Variants in NINL observed in about 807,000 individuals in gnomAD.
NINL encodes the protein ninein-like protein.
In NINL, 153 loss-of-function variants were observed where a neutral mutation model predicts 160.3. The ratio of observed to expected loss-of-function variants is 0.95; its 90% CI spans 0.84 to 1.09. NINL has a LOEUF of 1.09. NINL is among the 50% of genes least tolerant of loss of function. The pLI is 0.00. For missense variants in NINL, 1,829 were observed against 1,764.0 expected, an observed-to-expected ratio of 1.04 and a Z score of -0.66; for synonymous variants, 800 against 734.8, an observed-to-expected ratio of 1.09 and a Z score of -1.43.
chr20:25,580,531 G>A (rs1299807501), intron 1 of NINL, among the ~76,000 whole-genome samples: 2 of 152,224 alleles, frequency 1.3e-5, no homozygotes, highest in Admixed American at 6.5e-5. Flanking sequence ...GGGTCACCTC[G>A]CTTGGAGGAT....
rs868206375 is a variant in NINL at position 25,512,778 on chromosome 20, A to G, written c.450+56T>C. 1.1e-5 allele frequency: 17 copies of G among 1,529,788 alleles called. 1 individual carries two copies. The South Asian group carries it at 1.9e-4, about 17-fold the overall frequency. 94.8% of individuals were successfully genotyped at this position (1,529,788 alleles called of 1,614,324 possible). On this transcript the variant is annotated intron_variant, in intron 4 of 23. Transcript: ENST00000278886. ...ATGTGCTACAAAAAGGGATGAAGGG[A>G]AGCATTTGTTATTCCCAACACTGGG...
intron 8 of NINL, among the ~76,000 whole-genome samples, chr20:25,500,440 G>A (rs1387309531): frequency 1.3e-5 from 2 of 152,186 alleles, no homozygotes; most frequent in Admixed American, 1.3e-4. Flanking sequence ...AGGGGCTCCA[G>A]GAGAGTCCGG....
chr20:25,490,892 C>A (rs542762397), intron 11 of NINL, among the ~76,000 whole-genome samples: 2 of 151,836 alleles, frequency 1.3e-5, no homozygotes, highest in African/African-American at 4.8e-5. Flanking sequence ...TGTCCCGCTG[C>A]GATGCCTCAC....
Position 25,458,366 on chromosome 20 carries a change from G to C in NINL, c.3843+17C>G. The C allele has an allele frequency of 6.2e-7, 1 of 1,604,552 alleles. No individual in the cohort carries two copies. Among genetic ancestry groups the C allele is most frequent in the East Asian group, 2.2e-5 (1 of 44,878 alleles). ...CTCCTCATCTCGTCAGCCATCTCTCGCTGCATCCCCACTTACCCGCTGTGC... is the reference window on the plus strand; with the variant it reads ...CTCCTCATCTCGTCAGCCATCTCTCCCTGCATCCCCACTTACCCGCTGTGC... On this transcript the variant is annotated intron_variant, in intron 22 of 23. Coordinates refer to ENST00000278886, the MANE Select transcript of NINL (RefSeq NM_025176.6).
chr20:25,470,960 T>C (rs1263237644), intron 17 of NINL, among the ~76,000 whole-genome samples: 1 of 152,234 alleles, frequency 6.6e-6, no homozygotes, highest in Non-Finnish European at 1.5e-5. Flanking sequence ...TACTAGCTTC[T>C]TATTTTTTCA....
intron 1 of NINL, among the ~76,000 whole-genome samples, chr20:25,536,429 G>A (rs1418565805): frequency 6.6e-6 from 1 of 152,208 alleles, no homozygotes; most frequent in Non-Finnish European, 1.5e-5. Flanking sequence ...AGTAAGCCAG[G>A]GCTGGGAGCA....
At chr20:25,490,364 T>A (rs1050941033) in intron 11 of NINL, among the ~76,000 whole-genome samples, 31 of 152,132 alleles carry the variant, frequency 2.0e-4, no homozygotes, top group African/African-American at 7.5e-4. Context: ...ATCAAGACCA[T>A]CCTGGCTAAC....
chr20:25,463,540 G>A (rs1368587741), intron 19 of NINL, among the ~76,000 whole-genome samples: 1 of 152,190 alleles, frequency 6.6e-6, no homozygotes, highest in Non-Finnish European at 1.5e-5. Flanking sequence ...ACAGCGGCAG[G>A]AAAGTGGCCC....
At chr20:25,568,792 A>G (rs2065021803) in intron 1 of NINL, among the ~76,000 whole-genome samples, 1 of 152,058 alleles carries the variant, frequency 6.6e-6, no homozygotes, top group African/African-American at 2.4e-5. Context: ...TTGAAGAAAG[A>G]AATTGAATTT....
chr20:25,550,591 C>A (rs1050420544), intron 1 of NINL, among the ~76,000 whole-genome samples: 2 of 151,788 alleles, frequency 1.3e-5, no homozygotes, highest in Admixed American at 6.6e-5. Context: ...GGGAGAGGGT[C>A]AGCAGGAAAA....
At chr20:25,498,856 C>A (rs2063811539) in intron 8 of NINL, 1 of 976,716 alleles carries the variant, frequency 1.0e-6, no homozygotes, top group Admixed American at 6.1e-5. Flanking sequence ...GGGTGTTCCT[C>A]CCCACAGAAA....
chr20:25,458,696 G>C (rs909846574), intron 21 of NINL, 167 bp from the exon 22 acceptor site: 3 of 715,788 alleles, frequency 4.2e-6, no homozygotes, highest in Non-Finnish European at 6.8e-6. Flanking sequence ...TTTGGAATTC[G>C]GACAGCCAGG....
At position 25,579,339 on chromosome 20, in the gene NINL, C is replaced by T. The variant is rs182512531; in HGVS notation, c.-12+6116G>A. On this transcript the variant is annotated intron_variant, in intron 1 of 23. Coordinates refer to ENST00000278886, the MANE Select transcript of NINL (RefSeq NM_025176.6). ...GCTCAGCCTCCTGCTATGAGTACTC[C>T]GTGAAAGAATTTAACAAAAACACTG... Among the ~76,000 whole-genome samples, 28 of 152,234 alleles carry T rather than the reference C, an allele frequency of 1.8e-4. No homozygotes were observed. In the East Asian group the frequency reaches 5.0e-3, roughly 27 times the overall value.
rs762136728 is a variant in NINL at position 25,517,768 on chromosome 20, T to C, written c.262A>G (p.Ser88Gly). 1 of 1,600,710 alleles carries C rather than the reference T, an allele frequency of 6.2e-7. No individual in the cohort carries two copies. Among genetic ancestry groups the C allele is most frequent in the Non-Finnish European group, 8.5e-7 (1 of 1,176,200 alleles). The change falls in exon 3 of 24, where the codon AGT becomes GGT. Residue 88 changes from serine (S) to glycine (G), a missense_variant. Coordinates refer to ENST00000278886, the MANE Select transcript of NINL (RefSeq NM_025176.6). ...AGVRPSDEDS[S>G]SLESAASSAI... ...ATCCTCTTACCTGATTCCAAAGAAC[T>C]ACTGTCTTCATCTGAGGGGCGAACA...
chr20:25,519,495 A>G (rs1248978316), intron 2 of NINL, among the ~76,000 whole-genome samples: 1 of 152,212 alleles, frequency 6.6e-6, no homozygotes, highest in Non-Finnish European at 1.5e-5. Context: ...TATTTTGTCT[A>G]ACATGTTTTT....
intron 1 of NINL, among the ~76,000 whole-genome samples, chr20:25,571,086 CT>C (rs1600363392): frequency 6.6e-6 from 1 of 152,102 alleles, no homozygotes; most frequent in East Asian, 1.9e-4. Flanking sequence ...CCCTTTCTCA[CT>C]CATTAATAAG....
chr20:25,517,680 T>C, intron 3 of NINL, 73 bp downstream of exon 3: 1 of 1,178,788 alleles, frequency 8.5e-7, no homozygotes, highest in East Asian at 2.7e-5. Flanking sequence ...TGCTGGATTC[T>C]TTCATTAGAA....
At chr20:25,570,125 A>G (rs1370488965) in intron 1 of NINL, among the ~76,000 whole-genome samples, 1 of 152,128 alleles carries the variant, frequency 6.6e-6, no homozygotes, top group Non-Finnish European at 1.5e-5. Flanking sequence ...GGGTGCAGTG[A>G]GCTGAGATTG....
At chr20:25,547,530 T>C (rs967032394) in intron 1 of NINL, among the ~76,000 whole-genome samples, 3 of 152,100 alleles carry the variant, frequency 2.0e-5, no homozygotes, top group East Asian at 1.9e-4. Flanking sequence ...CCTTAACCTA[T>C]GGGGTCTGCA....
Sources: gnomAD v4.1 joint callset for allele counts (sites outside exome capture counted in the v4.1 genomes callset) on GRCh38, gnomAD v4.1.1 for gene constraint, MANE v1.5 for transcripts, NCBI Gene and HGNC (gene_info 2026-07-23, HGNC 2026-07-21) for gene names.